Variants in TMEM63B observed in about 807,000 individuals in gnomAD.
TMEM63B encodes the protein transmembrane protein 63B, also known as mechanosensitive cation channel TMEM63B.
TMEM63B carries 23 observed loss-of-function variants against 102.6 expected under a neutral mutation model. The observed-to-expected ratio is 0.22, with a 90% CI of 0.16 to 0.32. The LOEUF (loss-of-function observed/expected upper bound fraction) is 0.32, where lower values mean the gene tolerates loss of function less well. TMEM63B is among the 10% of genes least tolerant of loss of function. The pLI is 1.00. For missense variants in TMEM63B, 628 were observed against 1,095.9 expected (o/e 0.57, Z 6.03); for synonymous variants, 444 against 437.0 (o/e 1.02, Z -0.20).
chr6:44,134,000 A>G (rs1437414892), intron 1 of TMEM63B, among the ~76,000 whole-genome samples: 1 of 152,230 alleles, frequency 6.6e-6, no homozygotes, highest in East Asian at 1.9e-4. Flanking sequence ...ACTCTGACCC[A>G]TCGTCGAACC....
Position 44,135,178 on chromosome 6 carries a change from T to C in TMEM63B, c.239+82T>C, listed in dbSNP as rs542659804. ...CTCAGGAATAGGAAGGAGCCAGCCC[T>C]CTCTCATTCCCCTTTGCTGGGGGGA... On this transcript the variant is annotated intron_variant, in intron 3 of 23. Transcript: ENST00000323267. 1.1e-5 allele frequency: 17 copies of C among 1,584,264 alleles called. No homozygotes were observed. In the East Asian group the frequency reaches 3.4e-4, roughly 31 times the overall value.
rs975000365 is a variant in TMEM63B at position 44,148,976 on chromosome 6, G to T, written c.1413+31G>T. On this transcript the variant is annotated intron_variant, in intron 15 of 23. Coordinates refer to ENST00000323267, the MANE Select transcript of TMEM63B (RefSeq NM_018426.3). This position sits in a 1 kb window ranked among gnomAD's most constrained non-coding sequence, Gnocchi z 5.1. The stretch of plus-strand genomic sequence containing the variant: ...GCCTCATGCCCCTGTCACTTTCCAC[G>T]CTGGGTCACAACACACAGATACCAG... 4 of 1,613,698 alleles carry T rather than the reference G, an allele frequency of 2.5e-6. No individual in the cohort carries two copies. The highest frequency in any genetic ancestry group is 3.4e-6 in the Non-Finnish European group (4 of 1,179,924).
chr6:44,141,009 C>A lies in TMEM63B; in HGVS notation c.712-19C>A. The A allele has an allele frequency of 1.9e-6, 3 of 1,613,756 alleles. No homozygotes were observed. The highest frequency in any genetic ancestry group is 1.6e-4 in the Middle Eastern group (1 of 6,062). ...TGGGGTCAAGCCTCAGAAGGCAAAC[C>A]CACTCCCCTGTCACCCAGGTGAAGC... On this transcript the variant is annotated intron_variant, in intron 9 of 23. Coordinates refer to ENST00000323267, the MANE Select transcript of TMEM63B (RefSeq NM_018426.3).
chr6:44,143,133 G>T (rs1176011613), intron 10 of TMEM63B, among the ~76,000 whole-genome samples: 2 of 152,236 alleles, frequency 1.3e-5, no homozygotes, highest in African/African-American at 2.4e-5. Context: ...GATAGTGTTT[G>T]GGCAGGATTG....
In TMEM63B at chr6:44,152,911, TG is replaced by T. The variant is rs1338912400; in HGVS notation, c.1942+216del. Among the ~76,000 whole-genome samples, 1 of 152,186 alleles carries T rather than the reference TG, an allele frequency of 6.6e-6. No homozygotes were observed. The highest frequency in any genetic ancestry group is 1.5e-5 in the Non-Finnish European group (1 of 68,020). On this transcript the variant is annotated intron_variant, in intron 20 of 23. Coordinates refer to ENST00000323267, the MANE Select transcript of TMEM63B (RefSeq NM_018426.3). The surrounding 1 kb of genome is among the most constrained non-coding windows in gnomAD (Gnocchi z 6.4). ...GCTCAGGCCAGACCCAGCTGGCATG[TG>T]GGCCCCAGGGCAAAGTCACACCAAC...
intron 1 of TMEM63B, among the ~76,000 whole-genome samples, chr6:44,133,198 C>G (rs1762282364): frequency 6.6e-6 from 1 of 152,186 alleles, no homozygotes; most frequent in African/African-American, 2.4e-5. Context: ...CTCCTTTAGT[C>G]TTCCTAATCC....
intron 4 of TMEM63B, among the ~76,000 whole-genome samples, chr6:44,135,897 C>T (rs1329230767): frequency 2.6e-5 from 4 of 152,080 alleles, no homozygotes; most frequent in East Asian, 3.9e-4. Flanking sequence ...GGGAGGGGAG[C>T]GGAGGGTAGG....
chr6:44,136,141 C>T (rs2128228249), intron 4 of TMEM63B, among the ~76,000 whole-genome samples: 1 of 152,340 alleles, frequency 6.6e-6, no homozygotes, highest in African/African-American at 2.4e-5. Context: ...TCAGTGCCCA[C>T]CTCCGCTCCC....
intron 9 of TMEM63B, 103 bp from the exon 10 acceptor site, chr6:44,140,925 C>T (rs1169699319): frequency 8.2e-6 from 8 of 980,958 alleles, no homozygotes; most frequent in Non-Finnish European, 1.3e-5. Context: ...CTTCTCTACC[C>T]ACTCAAAACA....
chr6:44,133,246 A>G (rs547811033), intron 1 of TMEM63B, among the ~76,000 whole-genome samples: 66 of 152,320 alleles, frequency 4.3e-4, no homozygotes, highest in Non-Finnish European at 7.8e-4. Flanking sequence ...AGTGAAACAC[A>G]TAAACAACTC....
rs184111384 is a variant in TMEM63B, at chr6:44,140,291, G to T, written c.642G>T (p.Leu214=). Residue 214 remains leucine (L), a synonymous_variant, in exon 9 of 24, where the codon CTG becomes CTT. Transcript: ENST00000323267. Reference sequence around the variant, plus strand: ...GGCTGCACACCTCCTTCGCCTTCCTGTATCTGCTGCTCACCGTCTACAGCA... The same window carrying T: ...GGCTGCACACCTCCTTCGCCTTCCTTTATCTGCTGCTCACCGTCTACAGCA... ...LLWLHTSFAF[L]YLLLTVYSMR... 911 of 1,614,040 alleles carry T rather than the reference G, an allele frequency of 5.6e-4. 5 individuals carry two copies. In the East Asian group the frequency reaches 0.013, roughly 22 times the overall value.
chr6:44,127,187 C>CCCCCTCCCCGTCGGGA (rs1562106003), upstream of TMEM63B: 5 of 125,102 alleles, frequency 4.0e-5, no homozygotes, highest in East Asian at 2.0e-3. Context: ...CCCGTCGGGA[C>CCCCCTCCCCGTCGGGA]CCCCCCCTCC....
At position 44,151,956 on chromosome 6, in the gene TMEM63B, T is replaced by C. The variant is rs1324030345; in HGVS notation, c.1784T>C (p.Met595Thr). ...CGCATCCCAGGCCTGCTCATGTACA[T>C]GATCCGGCTCTGCCTGGCGCGCTCG... ...LLRIPGLLMY[M>T]IRLCLARSAA... The change falls in exon 19 of 24, where the codon ATG (methionine) becomes ACG (threonine). Residue 595 changes from methionine to threonine, a missense_variant. Met to Thr is a moderately conservative substitution (Grantham distance 81). Around this residue, in one of 6 missense-constraint regions of TMEM63B, gnomAD observed 90 missense variants for 136.7 expected, o/e 0.66. Coordinates refer to ENST00000323267, the MANE Select transcript of TMEM63B (RefSeq NM_018426.3). 1.9e-6 allele frequency: 3 copies of C among 1,613,180 alleles called. No individual in the cohort carries two copies. Among genetic ancestry groups the C allele is most frequent in the Non-Finnish European group, 2.5e-6 (3 of 1,179,470 alleles).
Position 44,150,164 on chromosome 6 carries a change from G to A in TMEM63B, c.1521-60G>A, listed in dbSNP as rs1271154805. On this transcript the variant is annotated intron_variant, in intron 16 of 23. Transcript: ENST00000323267. The surrounding 1 kb of genome is among the most constrained non-coding windows in gnomAD (Gnocchi z 4.7). ...TCCTTGGACATTGTCCTTGTTGGGGGAGCAAGTCTGGGGCCTGGGCTCACT... is the reference window on the plus strand; with the variant it reads ...TCCTTGGACATTGTCCTTGTTGGGGAAGCAAGTCTGGGGCCTGGGCTCACT... 2.6e-6 allele frequency: 4 copies of A among 1,537,564 alleles called. No homozygotes were observed. Among genetic ancestry groups the A allele is most frequent in the Non-Finnish European group, 3.6e-6 (4 of 1,115,784 alleles).
At chr6:44,139,797 G>A (rs752080550) in intron 8 of TMEM63B, 38 bp downstream of exon 8, 14 of 1,613,322 alleles carry the variant, frequency 8.7e-6, no homozygotes, top group African/African-American at 8.0e-5. Flanking sequence ...CAAGGTCTAC[G>A]ACCAGAGTCT....
At chr6:44,149,090 G>A in intron 15 of TMEM63B, 145 bp downstream of exon 15, 1 of 1,283,164 alleles carries the variant, frequency 7.8e-7, no homozygotes. Flanking sequence ...ACCCCTGTGT[G>A]CACTTCCCTT....
In TMEM63B at chr6:44,142,267, TAAA is replaced by T. The variant is rs57699007; in HGVS notation, c.782+1187_782+1189del. On this transcript the variant is annotated intron_variant, in intron 10 of 23. Transcript: ENST00000323267. ...GTCAGTATAATGAGACCCCATGTCT[TAAA>T]AAAAAAAAAAAAAAAAATCATTGAG... 3.9e-3 allele frequency among the ~76,000 whole-genome samples: 534 copies of T among 138,374 alleles called. 1 individual carries two copies. Among genetic ancestry groups the T allele is most frequent in the Middle Eastern group, 7.7e-3 (2 of 260 alleles). 90.8% of individuals were successfully genotyped at this position (138,374 alleles called of 152,430 possible).
intron 1 of TMEM63B, among the ~76,000 whole-genome samples, chr6:44,133,935 C>A (rs917661750): frequency 6.6e-6 from 1 of 152,230 alleles, no homozygotes; most frequent in Non-Finnish European, 1.5e-5. Context: ...GCAGGAGTGG[C>A]TGGGGCCAGG....
intron 10 of TMEM63B, 141 bp from the exon 11 acceptor site, chr6:44,146,706 C>T: frequency 3.6e-6 from 3 of 829,016 alleles, no homozygotes. Context: ...CCGCTTCGGC[C>T]CCCCAAAGTG....
Sources: allele counts gnomAD v4.1 joint callset (sites outside exome capture counted in the v4.1 genomes callset), GRCh38; gene constraint gnomAD v4.1.1; regional missense constraint gnomAD v4.1.1; non-coding constraint Gnocchi (gnomAD v3.1); transcripts MANE v1.5; gene names NCBI Gene and HGNC (gene_info 2026-07-23, HGNC 2026-07-21).